The following CARMIL2 variants were observed in gnomAD, a reference collection of about 807,000 sequenced individuals.
The protein encoded by CARMIL2 is capping protein regulator and myosin 1 linker 2.
Under a neutral mutation model 173.3 loss-of-function variants are expected in CARMIL2, and 96 were observed. The observed-to-expected ratio is 0.55, with a 90% CI of 0.47 to 0.66. CARMIL2 has a LOEUF of 0.66. CARMIL2 is among the 30% of genes least tolerant of loss of function. The pLI, the probability that CARMIL2 is intolerant of heterozygous loss-of-function variation, is 0.00. For missense variants in CARMIL2, 1,771 were observed against 1,906.7 expected (o/e 0.93, Z 1.33); for synonymous variants, 830 against 817.1 (o/e 1.02, Z -0.27).
At position 67,654,689 on chromosome 16, in the gene CARMIL2, C is replaced by A. The variant is rs896712257; in HGVS notation, c.3579C>A (p.Asp1193Glu). Residue 1193 changes from aspartate to glutamate, a missense_variant, in exon 31 of 38, where the codon GAC (aspartate) becomes GAA (glutamate). By Grantham distance (45) the Asp-to-Glu change is conservative (BLOSUM62 2). This residue lies in a region of CARMIL2 where 817 missense variants were observed against 903.5 expected (regional missense o/e 0.90). Transcript: ENST00000334583. ...EEEATLGARP[D>E]KRRPLERGET... is the part of the protein sequence containing the mutation. ...AGGCAACGCTGGGTGCCAGACCCGA[C>A]AAGGTGAGGCTTGCTGATGGGGGGT... 6.3e-7 allele frequency: 1 copy of A among 1,593,234 alleles called. No individual in the cohort carries two copies. Among genetic ancestry groups the A allele is most frequent in the South Asian group, 1.1e-5 (1 of 88,428 alleles).
rs746133556 is a variant in CARMIL2, at chr16:67,657,562, CAAAG to C, written c.*45_*48del. 32 of 1,613,894 alleles carry C rather than the reference CAAAG, an allele frequency of 2.0e-5. No individual in the cohort carries two copies. Among genetic ancestry groups the C allele is most frequent in the African/African-American group, 4.0e-5 (3 of 74,918 alleles). ...CATGAGATTATTTTATTAAAAAACT[CAAAG>C]GAAGCAGAGTGTGGAGCGGTATCTG... On this transcript the variant is annotated 3_prime_UTR_variant, in exon 38 of 38. Coordinates refer to ENST00000334583, the MANE Select transcript of CARMIL2 (RefSeq NM_001013838.3). The surrounding 1 kb of genome is among the most constrained non-coding windows in gnomAD (Gnocchi z 4.5).
At position 67,652,463 on chromosome 16, in the gene CARMIL2, C is replaced by G; in HGVS notation, c.2818-9C>G. On this transcript the variant is annotated splice_polypyrimidine_tract_variant and intron_variant, in intron 27 of 37. Transcript: ENST00000334583. The surrounding 1 kb of genome is among the most constrained non-coding windows in gnomAD (Gnocchi z 4.7). ...CTACCCCAGGCTGAGTTTGTGCCCT[C>G]CCCACCAGGATGACAGTCCTCCACA... The G allele has an allele frequency of 6.2e-7, 1 of 1,613,414 alleles. No homozygotes were observed. The highest frequency in any genetic ancestry group is 8.5e-7 in the Non-Finnish European group (1 of 1,179,688).
Position 67,647,927 on chromosome 16 carries a change from C to A in CARMIL2, c.1040C>A (p.Pro347His). The part of the protein sequence containing the change: ...TLTHLDLSGN[P>H]GALGASEDSG... ...ACCCACCTGGACCTTTCTGGGAATC[C>A]TGGGGCGCTGGGGGCCTCCGAGGAC... Residue 347 changes from proline (P) to histidine (H), a missense_variant, in exon 13 of 38, where the codon CCT (proline) becomes CAT (histidine). Around this residue, in one of 3 missense-constraint regions of CARMIL2, gnomAD observed 944 missense variants for 975.6 expected, o/e 0.97. Transcript: ENST00000334583. 6.2e-7 allele frequency: 1 copy of A among 1,610,024 alleles called. No homozygotes were observed. Among genetic ancestry groups the A allele is most frequent in the Non-Finnish European group, 8.5e-7 (1 of 1,177,978 alleles).
Position 67,653,338 on chromosome 16 carries a change from A to C in CARMIL2, c.3120+84A>C. 1.5e-6 allele frequency: 1 copy of C among 656,380 alleles called. No individual in the cohort carries two copies. The allele number at this position is 656,380 out of a possible 1,614,324, so 40.7% of individuals were successfully genotyped here. A position where few individuals can be genotyped will look rare whatever the true frequency, so the allele number is the denominator to read the frequency against. ...CGCTCCTCATGGGTGGTAGCGGTCA[A>C]GGAGAGGGGGTGGTGGGGGCCCAAG... On this transcript the variant is annotated intron_variant, in intron 29 of 37. Coordinates refer to ENST00000334583, the MANE Select transcript of CARMIL2 (RefSeq NM_001013838.3). This position sits in a 1 kb window ranked among gnomAD's most constrained non-coding sequence, Gnocchi z 7.4.
At position 67,654,445 on chromosome 16, in the gene CARMIL2, G is replaced by A; in HGVS notation, c.3335G>A (p.Gly1112Asp). Reference protein sequence around the residue: ...FAFKKPRSTRGPRTDLETSPG... With the variant: ...FAFKKPRSTRDPRTDLETSPG... ...TTCAAGAAGCCTCGTTCAACGCGGGGTCCACGGACTGATCTAGAGACCAGC... is the reference window on the plus strand; with the variant it reads ...TTCAAGAAGCCTCGTTCAACGCGGGATCCACGGACTGATCTAGAGACCAGC... The change falls in exon 31 of 38, where the codon GGT (glycine) becomes GAT (aspartate). Residue 1112 changes from glycine to aspartate, a missense_variant. Physicochemically the swap from Gly to Asp is moderately conservative, Grantham distance 94. This residue lies in a region of CARMIL2 where 817 missense variants were observed against 903.5 expected (regional missense o/e 0.90). Coordinates refer to ENST00000334583, the MANE Select transcript of CARMIL2 (RefSeq NM_001013838.3). The A allele has an allele frequency of 6.2e-7, 1 of 1,612,970 alleles. No homozygotes were observed. The highest frequency in any genetic ancestry group is 1.3e-5 in the African/African-American group (1 of 75,048).
Position 67,648,797 on chromosome 16 carries a change from G to A in CARMIL2, c.1509+43G>A, listed in dbSNP as rs770146170. On this transcript the variant is annotated intron_variant, in intron 16 of 37. Transcript: ENST00000334583. This position sits in a 1 kb window ranked among gnomAD's most constrained non-coding sequence, Gnocchi z 6.1. ...GAAGAGACCACACATTGGGAGAGGC[G>A]CTGGGAGGCGGAAGGGCAGGGCCGT... 4 of 1,570,486 alleles carry A rather than the reference G, an allele frequency of 2.5e-6. No homozygotes were observed. The highest frequency in any genetic ancestry group is 3.5e-6 in the Non-Finnish European group (4 of 1,158,332).
Position 67,651,959 on chromosome 16 carries a change from G to A in CARMIL2, c.2627G>A (p.Ser876Asn). Residue 876 changes from serine (S) to asparagine (N), a missense_variant, in exon 26 of 38, where the codon AGC becomes AAC. Coordinates refer to ENST00000334583, the MANE Select transcript of CARMIL2 (RefSeq NM_001013838.3). This position sits in a 1 kb window ranked among gnomAD's most constrained non-coding sequence, Gnocchi z 4.2. ...RLSITGTLAE[S>N]IVAQALAGLS... is the part of the protein sequence containing the mutation. ...TCAATCACGGGGACCTTGGCAGAGA[G>A]CATTGTGGCTCAGGCTTTGGCAGGC... 6.2e-7 allele frequency: 1 copy of A among 1,613,652 alleles called. No individual in the cohort carries two copies. The highest frequency in any genetic ancestry group is 8.5e-7 in the Non-Finnish European group (1 of 1,179,868).
rs771865564 is a variant in CARMIL2 at position 67,648,786 on chromosome 16, T to C, written c.1509+32T>C. On this transcript the variant is annotated intron_variant, in intron 16 of 37. Transcript: ENST00000334583. This position sits in a 1 kb window ranked among gnomAD's most constrained non-coding sequence, Gnocchi z 6.1. ...GCCGGCCCCCAGAAGAGACCACACATTGGGAGAGGCGCTGGGAGGCGGAAG... is the reference window on the plus strand; with the variant it reads ...GCCGGCCCCCAGAAGAGACCACACACTGGGAGAGGCGCTGGGAGGCGGAAG... 27 of 1,582,214 alleles carry C rather than the reference T, an allele frequency of 1.7e-5. No homozygotes were observed. The highest frequency in any genetic ancestry group is 8.1e-5 in the South Asian group (7 of 86,870).
In CARMIL2 at chr16:67,649,692, G is replaced by C; in HGVS notation, c.1919+73G>C. The C allele has an allele frequency of 1.3e-6, 2 of 1,559,996 alleles. No homozygotes were observed. The highest frequency in any genetic ancestry group is 1.7e-6 in the Non-Finnish European group (2 of 1,154,494). ...AGAGGAGGGCACCGGGCTAAGGGGAGGGACTGAATGAGGCGGAGCAAATGG... is the reference window on the plus strand; with the variant it reads ...AGAGGAGGGCACCGGGCTAAGGGGACGGACTGAATGAGGCGGAGCAAATGG... On this transcript the variant is annotated intron_variant, in intron 20 of 37. Transcript: ENST00000334583. The surrounding 1 kb of genome is among the most constrained non-coding windows in gnomAD (Gnocchi z 6.7).
Position 67,646,364 on chromosome 16 carries a change from G to A in CARMIL2, c.374+54G>A. 1.2e-6 allele frequency: 2 copies of A among 1,607,790 alleles called. No individual in the cohort carries two copies. The highest frequency in any genetic ancestry group is 1.7e-6 in the Non-Finnish European group (2 of 1,175,736). ...CAGGGGAGGAGGGAGTGCATGAGAAGGGCTGCTTCCCATCCCAGAGGCTGG... is the reference window on the plus strand; with the variant it reads ...CAGGGGAGGAGGGAGTGCATGAGAAAGGCTGCTTCCCATCCCAGAGGCTGG... On this transcript the variant is annotated intron_variant, in intron 5 of 37. Transcript: ENST00000334583. The surrounding 1 kb of genome is among the most constrained non-coding windows in gnomAD (Gnocchi z 4.6).
Position 67,656,735 on chromosome 16 carries a change from G to A in CARMIL2, c.4037-66G>A, listed in dbSNP as rs763682500. 20 of 1,562,066 alleles carry A rather than the reference G, an allele frequency of 1.3e-5. No homozygotes were observed. In the Admixed American group the frequency reaches 2.3e-4, roughly 18 times the overall value. ...ACTCAGCTCCTCTAAGGACCCTGAG[G>A]GTGGGAGGCAAGGGCTGGAGTGGGG... On this transcript the variant is annotated intron_variant, in intron 35 of 37. Transcript: ENST00000334583.
In CARMIL2 at chr16:67,647,506, A is replaced by G. The variant is rs921336284; in HGVS notation, c.777-2A>G. ...ATCTCATGCCTGGGGTCTGGTCCCCAGAGACTTTGTCCGACGACTGGCCCA... is the reference window on the plus strand; with the variant it reads ...ATCTCATGCCTGGGGTCTGGTCCCCGGAGACTTTGTCCGACGACTGGCCCA... On this transcript the variant is annotated splice_acceptor_variant, in intron 10 of 37. Coordinates refer to ENST00000334583, the MANE Select transcript of CARMIL2 (RefSeq NM_001013838.3). LOFTEE classifies it high-confidence loss of function. 3.7e-6 allele frequency: 6 copies of G among 1,601,238 alleles called. No homozygotes were observed. Among genetic ancestry groups the G allele is most frequent in the Non-Finnish European group, 4.3e-6 (5 of 1,174,376 alleles).
In CARMIL2 at chr16:67,646,365, G is replaced by A; in HGVS notation, c.374+55G>A. ...AGGGGAGGAGGGAGTGCATGAGAAG[G>A]GCTGCTTCCCATCCCAGAGGCTGGA... On this transcript the variant is annotated intron_variant, in intron 5 of 37. Transcript: ENST00000334583. The surrounding 1 kb of genome is among the most constrained non-coding windows in gnomAD (Gnocchi z 4.6). The A allele has an allele frequency of 6.2e-7, 1 of 1,607,740 alleles. No homozygotes were observed. Among genetic ancestry groups the A allele is most frequent in the South Asian group, 1.1e-5 (1 of 90,588 alleles).
chr16:67,656,188 T>C, intron 33 of CARMIL2, 40 bp from the exon 34 acceptor site: 1 of 1,613,036 alleles, frequency 6.2e-7, no homozygotes. Flanking sequence ...TCCCCTCACC[T>C]CCAAGGTCTG....
chr16:67,651,862 T>TGGGCTGGGCA lies in CARMIL2; in HGVS notation c.2588+18_2588+27dup. The TGGGCTGGGCA allele has an allele frequency of 6.2e-7, 1 of 1,612,738 alleles. No homozygotes were observed. The highest frequency in any genetic ancestry group is 2.2e-5 in the East Asian group (1 of 44,872). On this transcript the variant is annotated intron_variant, in intron 25 of 37. Transcript: ENST00000334583. This position sits in a 1 kb window ranked among gnomAD's most constrained non-coding sequence, Gnocchi z 4.2. ...TAGGCTCAGGTAGGCTGGATGGGGCTGGGCTGGGCAAGGCTGAGCAAAGCC... is the reference window on the plus strand; with the variant it reads ...TAGGCTCAGGTAGGCTGGATGGGGCTGGGCTGGGCAGGGCTGGGCAAGGCTGAGCAAAGCC...
At position 67,656,232 on chromosome 16, in the gene CARMIL2, C is replaced by T. The variant is rs369491822; in HGVS notation, c.3747C>T (p.Asp1249=). The change falls in exon 34 of 38, where the codon GAC becomes GAT. Residue 1249 remains aspartate, a synonymous_variant. Coordinates refer to ENST00000334583, the MANE Select transcript of CARMIL2 (RefSeq NM_001013838.3). ...GTCCCCAGCTCCGCCTTGCAGGTGA[C>T]ATTATGGACAGTTCCACGGAGGCCC... The part of the protein sequence containing the change: ...GEIKKAGSDG[D]IMDSSTEAPP... The T allele has an allele frequency of 6.2e-7, 1 of 1,613,876 alleles. No individual in the cohort carries two copies. The highest frequency in any genetic ancestry group is 8.5e-7 in the Non-Finnish European group (1 of 1,179,896).
Position 67,648,233 on chromosome 16 carries a change from C to A in CARMIL2, c.1253C>A (p.Pro418Gln). ...GCGGGTGTAGCCAACAGCCTCCCCCCGCAGCTCTTCGCAGCGGTATCCCGA... is the reference window on the plus strand; with the variant it reads ...GCGGGTGTAGCCAACAGCCTCCCCCAGCAGCTCTTCGCAGCGGTATCCCGA... The part of the protein sequence containing the change: ...PPAGVANSLP[P>Q]QLFAAVSRGC... Residue 418 changes from proline to glutamine, a missense_variant, in exon 14 of 38, where the codon CCG (proline) becomes CAG (glutamine). Pro to Gln is a moderately conservative substitution (Grantham distance 76). Around this residue, in one of 3 missense-constraint regions of CARMIL2, gnomAD observed 944 missense variants for 975.6 expected, o/e 0.97. Coordinates refer to ENST00000334583, the MANE Select transcript of CARMIL2 (RefSeq NM_001013838.3). This position sits in a 1 kb window ranked among gnomAD's most constrained non-coding sequence, Gnocchi z 6.1. The A allele has an allele frequency of 2.5e-6, 4 of 1,601,904 alleles. No homozygotes were observed. The highest frequency in any genetic ancestry group is 1.3e-5 in the African/African-American group (1 of 74,868).
At chr16:67,647,641 G>A (rs1354604050) in intron 11 of CARMIL2, 39 bp downstream of exon 11, 3 of 1,601,570 alleles carry the variant, frequency 1.9e-6, no homozygotes, top group Non-Finnish European at 2.6e-6. Context: ...TGGGCAGCAG[G>A]AGGAGGTGAG....
chr16:67,648,473 G>T lies in CARMIL2; in HGVS notation c.1410G>T (p.Ala470=), dbSNP rs966450050. The T allele has an allele frequency of 1.4e-6, 2 of 1,438,446 alleles. No homozygotes were observed. The highest frequency in any genetic ancestry group is 1.8e-6 in the Non-Finnish European group (2 of 1,104,564). The allele number at this position is 1,438,446 out of a possible 1,614,324, so 89.1% of individuals were successfully genotyped here. ...RARTLRHLGL[A]GCKLPPDALR... ...GGACGCTGCGGCACCTGGGCCTGGC[G>T]GGCTGCAAGCTGCCGCCCGACGCGC... is the stretch of plus-strand genomic sequence containing the variant. Residue 470 remains alanine, a synonymous_variant, in exon 15 of 38, where the codon GCG becomes GCT. Transcript: ENST00000334583. The surrounding 1 kb of genome is among the most constrained non-coding windows in gnomAD (Gnocchi z 6.1).
Sources: allele counts gnomAD v4.1 joint callset, GRCh38; gene constraint gnomAD v4.1.1; regional missense constraint gnomAD v4.1.1; non-coding constraint Gnocchi (gnomAD v3.1); transcripts MANE v1.5; gene names NCBI Gene and HGNC (gene_info 2026-07-23, HGNC 2026-07-21).